OSBPL11: variants seen among roughly 807,000 people sequenced by gnomAD.
OSBPL11 encodes oxysterol-binding protein-related protein 11.
Under a neutral mutation model 84.4 loss-of-function variants are expected in OSBPL11, and 33 were observed. The ratio of observed to expected loss-of-function variants is 0.39; its 90% CI spans 0.30 to 0.52. The LOEUF (loss-of-function observed/expected upper bound fraction) is 0.52, where lower values mean the gene tolerates loss of function less well. Among genes scored for constraint, OSBPL11 ranks in the 20% least tolerant of loss-of-function variants. The pLI is 0.72. For synonymous variants in OSBPL11, 276 were observed against 310.2 expected (o/e 0.89, Z 1.16); for missense variants, 736 against 901.1 (o/e 0.82, Z 2.35).
chr3:125,539,426 C>T (rs1293904964), intron 10 of OSBPL11, among the ~76,000 whole-genome samples: 2 of 148,444 alleles, frequency 1.3e-5, no homozygotes, highest in South Asian at 2.1e-4. Context: ...GGCTAGGAAT[C>T]GGAACAGGTG....
At chr3:125,565,811 CT>C (rs1407676670) in intron 6 of OSBPL11, among the ~76,000 whole-genome samples, 1 of 151,882 alleles carries the variant, frequency 6.6e-6, no homozygotes, top group Non-Finnish European at 1.5e-5. Flanking sequence ...GCCCTTTCCT[CT>C]ACCTCTCACT....
At chr3:125,568,464 A>T (rs80050864) in intron 5 of OSBPL11, among the ~76,000 whole-genome samples, 10,166 of 152,002 alleles carry the variant, frequency 0.067, 465 homozygotes, top group Non-Finnish European at 0.098. Context: ...TTAAGCCATC[A>T]AGTTATCAGA....
chr3:125,569,548 C>T (rs553322740), intron 5 of OSBPL11, among the ~76,000 whole-genome samples: 14 of 152,206 alleles, frequency 9.2e-5, no homozygotes, highest in East Asian at 5.8e-4. Flanking sequence ...CTTATGAACA[C>T]GCAGAACCAC....
Position 125,552,291 on chromosome 3 carries a change from A to G in OSBPL11, c.1544T>C (p.Val515Ala). 1 of 1,614,038 alleles carries G rather than the reference A, an allele frequency of 6.2e-7. No individual in the cohort carries two copies. The highest frequency in any genetic ancestry group is 1.1e-5 in the South Asian group (1 of 91,066). ...VAEQVSHHPP[V>A]SGFYAECTER... ...TGTACATTCTGCATAAAATCCTGAG[A>G]CTGGAGGATGATGAGAAACCTGCTC... The change falls in exon 9 of 13, where the codon GTC (valine) becomes GCC (alanine). Residue 515 changes from valine to alanine, a missense_variant. Val to Ala is a moderately conservative substitution (Grantham distance 64). Transcript: ENST00000296220.
At chr3:125,534,951 G>GGAAAA (rs375718027) in intron 11 of OSBPL11, among the ~76,000 whole-genome samples, 1 of 64,640 alleles carries the variant, frequency 1.5e-5, no homozygotes, top group African/African-American at 7.5e-5. Flanking sequence ...TAAGAAATTA[G>GGAAAA]AAAAAAAAAA....
intron 6 of OSBPL11, among the ~76,000 whole-genome samples, chr3:125,566,929 T>C (rs1236506526): frequency 1.3e-5 from 2 of 152,176 alleles, no homozygotes; most frequent in Non-Finnish European, 1.5e-5. Context: ...ATTACAGGCA[T>C]GAGCCACCTC....
chr3:125,547,638 A>G (rs1216606197), intron 9 of OSBPL11, 46 bp from the exon 10 acceptor site: 1 of 1,391,798 alleles, frequency 7.2e-7, no homozygotes, highest in East Asian at 2.4e-5. Flanking sequence ...TTAAAGAAAC[A>G]GCTAATGAAA....
At chr3:125,558,570 C>G (rs1465563486) in intron 8 of OSBPL11, among the ~76,000 whole-genome samples, 1 of 152,142 alleles carries the variant, frequency 6.6e-6, no homozygotes, top group Non-Finnish European at 1.5e-5. Context: ...AAAAAAATCT[C>G]CAATTGACAT....
intron 9 of OSBPL11, among the ~76,000 whole-genome samples, chr3:125,547,943 T>A (rs1935843485): frequency 6.6e-6 from 1 of 152,126 alleles, no homozygotes. Flanking sequence ...AGTGGCGTGA[T>A]CTTGGCTCAC....
intron 9 of OSBPL11, among the ~76,000 whole-genome samples, chr3:125,549,490 T>A (rs1378229380): frequency 6.6e-6 from 1 of 152,168 alleles, no homozygotes; most frequent in East Asian, 1.9e-4. Context: ...TTTTAAAAAA[T>A]TTTACATTTG....
At chr3:125,581,862 G>A (rs1936432821) in intron 2 of OSBPL11, among the ~76,000 whole-genome samples, 2 of 152,048 alleles carry the variant, frequency 1.3e-5, no homozygotes, top group South Asian at 4.2e-4. Flanking sequence ...TGTAGCTCCA[G>A]CTACTTAGGA....
At chr3:125,589,949 T>G (rs1325804072) in intron 1 of OSBPL11, among the ~76,000 whole-genome samples, 2 of 152,210 alleles carry the variant, frequency 1.3e-5, no homozygotes, top group Non-Finnish European at 2.9e-5. Context: ...AAGCAGGCCA[T>G]CAAACACCCT....
intron 5 of OSBPL11, 123 bp downstream of exon 5, chr3:125,576,066 G>A: frequency 1.2e-6 from 1 of 804,636 alleles, no homozygotes; most frequent in Non-Finnish European, 1.9e-6. Flanking sequence ...AATTATCTCA[G>A]CATACTAGAT....
At chr3:125,577,472 A>G (rs1936342512) in intron 4 of OSBPL11, among the ~76,000 whole-genome samples, 1 of 152,196 alleles carries the variant, frequency 6.6e-6, no homozygotes, top group African/African-American at 2.4e-5. Flanking sequence ...CTTCATATCC[A>G]CTAAGATAAC....
chr3:125,583,048 T>C (rs1393066347), intron 1 of OSBPL11, 70 bp from the exon 2 acceptor site: 9 of 1,126,300 alleles, frequency 8.0e-6, no homozygotes, highest in Non-Finnish European at 1.2e-5. Flanking sequence ...TGGTACAATT[T>C]TCAAAATAGC....
chr3:125,557,484 C>T lies in OSBPL11; in HGVS notation c.1155+2895G>A, dbSNP rs550330111. On this transcript the variant is annotated intron_variant, in intron 8 of 12. Coordinates refer to ENST00000296220, the MANE Select transcript of OSBPL11 (RefSeq NM_022776.5). ...GTAACCTCTGCCTCCTGGGTTCAAGCGGTTCTCCTGCCTCAACCTCCTGAG... is the reference window on the plus strand; with the variant it reads ...GTAACCTCTGCCTCCTGGGTTCAAGTGGTTCTCCTGCCTCAACCTCCTGAG... 1.6e-3 allele frequency among the ~76,000 whole-genome samples: 238 copies of T among 152,072 alleles called. 1 individual carries two copies. The highest frequency in any genetic ancestry group is 2.0e-3 in the Non-Finnish European group (134 of 68,026).
rs769477065 is a variant in OSBPL11, at chr3:125,552,242, C to G, written c.1593G>C (p.Ala531=). The G allele has an allele frequency of 1.2e-6, 2 of 1,613,658 alleles. No individual in the cohort carries two copies. Among genetic ancestry groups the G allele is most frequent in the Non-Finnish European group, 1.7e-6 (2 of 1,179,924 alleles). The change falls in exon 9 of 13, where the codon GCG becomes GCC. Residue 531 remains alanine (A), a synonymous_variant. Coordinates refer to ENST00000296220, the MANE Select transcript of OSBPL11 (RefSeq NM_022776.5). ...AGAACTTGCTCTTAGTCCAGACATG[C>G]GCATTTACACACATCTTCCTCTCTG... is the stretch of plus-strand genomic sequence containing the variant. The part of the protein sequence containing the change: ...ECTERKMCVN[A]HVWTKSKFLG...
chr3:125,581,683 G>A lies in OSBPL11; in HGVS notation c.233+1227C>T, dbSNP rs371290178. On this transcript the variant is annotated intron_variant, in intron 2 of 12. Coordinates refer to ENST00000296220, the MANE Select transcript of OSBPL11 (RefSeq NM_022776.5). ...TACACTGCAGCCTAGGTGACAGAGT[G>A]AGACTCCATCTCAAAAAAAAAAAAA... 1.2e-4 allele frequency among the ~76,000 whole-genome samples: 15 copies of A among 121,798 alleles called. No homozygotes were observed. In the East Asian group the frequency reaches 3.4e-3, roughly 28 times the overall value. The allele number at this position is 121,798 out of a possible 152,430, so 79.9% of individuals were successfully genotyped here.
At position 125,530,001 on chromosome 3, in the gene OSBPL11, T is replaced by TG. The variant is rs1303458629; in HGVS notation, c.*513_*514insC. Reference sequence around the variant, plus strand: ...GTTACCACAACCTGGTTGATTTTTTTTTTTAAACACTGATTTCAGGCACAA... The same window carrying TG: ...GTTACCACAACCTGGTTGATTTTTTTGTTTTAAACACTGATTTCAGGCACAA... On this transcript the variant is annotated 3_prime_UTR_variant, in exon 13 of 13. Coordinates refer to ENST00000296220, the MANE Select transcript of OSBPL11 (RefSeq NM_022776.5). 2 of 154,286 alleles carry TG rather than the reference T, an allele frequency of 1.3e-5. No individual in the cohort carries two copies. The highest frequency in any genetic ancestry group is 2.9e-5 in the Non-Finnish European group (2 of 69,140). The allele number at this position is 154,286 out of a possible 1,614,324, so 9.6% of individuals were successfully genotyped here.
Sources: allele counts gnomAD v4.1 joint callset (sites outside exome capture counted in the v4.1 genomes callset), GRCh38; gene constraint gnomAD v4.1.1; transcripts MANE v1.5; gene names NCBI Gene and HGNC (gene_info 2026-07-23, HGNC 2026-07-21).